The following EML1 variants were observed in gnomAD, a reference collection of about 807,000 sequenced individuals.
EML1 encodes the protein EMAP like 1.
EML1 carries 27 observed loss-of-function variants against 110.4 expected under a neutral mutation model. That is an observed-to-expected ratio of 0.24 (90% CI 0.18 to 0.34). EML1 has a LOEUF of 0.34. EML1 is among the 10% of genes least tolerant of loss of function. The pLI, the probability that EML1 is intolerant of heterozygous loss-of-function variation, is 1.00. For missense variants in EML1, 741 were observed against 1,030.9 expected (o/e 0.72, Z 3.85); for synonymous variants, 344 against 385.8 (o/e 0.89, Z 1.27).
At chr14:99,915,946 G>A (rs1400555477) in intron 15 of EML1, among the ~76,000 whole-genome samples, 2 of 152,198 alleles carry the variant, frequency 1.3e-5, no homozygotes, top group South Asian at 2.1e-4. Flanking sequence ...GCTGGTCACT[G>A]GTGGCCAGCT....
At chr14:99,900,676 T>G (rs939983202) in intron 8 of EML1, among the ~76,000 whole-genome samples, 2 of 152,220 alleles carry the variant, frequency 1.3e-5, no homozygotes, top group Admixed American at 1.3e-4. Flanking sequence ...GGTACTATTG[T>G]CAAAAATTGG....
chr14:99,739,065 A>AGTGTGTGTGAGAGTGT (rs2057004847), intron 1 of EML1, among the ~76,000 whole-genome samples: 1 of 138,918 alleles, frequency 7.2e-6, no homozygotes, highest in Non-Finnish European at 1.5e-5. Flanking sequence ...AGAGTGTGAG[A>AGTGTGTGTGAGAGTGT]GTGTGTGTGT....
intron 16 of EML1, 74 bp downstream of exon 16, chr14:99,917,923 A>C: frequency 1.4e-6 from 2 of 1,475,704 alleles, no homozygotes; most frequent in Non-Finnish European, 1.9e-6. Flanking sequence ...TTTCCCCAGG[A>C]ACAGGCCCCC....
intron 16 of EML1, among the ~76,000 whole-genome samples, chr14:99,918,079 T>C (rs567599535): frequency 2.0e-5 from 3 of 152,262 alleles, no homozygotes; most frequent in Admixed American, 1.3e-4. Flanking sequence ...AAAAGGACCC[T>C]CTACCTCCAC....
At chr14:99,818,778 C>T (rs913621755) in intron 1 of EML1, among the ~76,000 whole-genome samples, 1 of 151,966 alleles carries the variant, frequency 6.6e-6, no homozygotes, top group Non-Finnish European at 1.5e-5. Context: ...TCACAGGGCT[C>T]AAGTCAGGAG....
At chr14:99,915,322 G>A (rs2060015302) in intron 15 of EML1, 1 of 147,458 alleles carries the variant, frequency 6.8e-6, no homozygotes, top group Non-Finnish European at 1.5e-5. Flanking sequence ...TGAGGCAGGA[G>A]AATTGCTTGA....
chr14:99,938,593 C>T (rs888950655), intron 20 of EML1, among the ~76,000 whole-genome samples: 1 of 151,908 alleles, frequency 6.6e-6, no homozygotes, highest in African/African-American at 2.4e-5. Flanking sequence ...CACCTGGGCT[C>T]ACCCGACAAT....
intron 5 of EML1, 170 bp from the exon 6 acceptor site, chr14:99,894,459 T>C (rs2059639128): frequency 7.4e-6 from 6 of 806,838 alleles, no homozygotes; most frequent in Admixed American, 4.2e-5. Flanking sequence ...ATGCAAACTT[T>C]TGTTTCAAAC....
At chr14:99,753,205 C>T (rs2057199242) in intron 1 of EML1, among the ~76,000 whole-genome samples, 1 of 121,470 alleles carries the variant, frequency 8.2e-6, no homozygotes. Context: ...CGCCCCCCCG[C>T]CGCCCCCCCA....
At position 99,939,246 on chromosome 14, in the gene EML1, G is replaced by A. The variant is rs61986043; in HGVS notation, c.2241G>A (p.Arg747=). 3 of 1,614,168 alleles carry A rather than the reference G, an allele frequency of 1.9e-6. No homozygotes were observed. Among genetic ancestry groups the A allele is most frequent in the African/African-American group, 2.7e-5 (2 of 75,034 alleles). Reference sequence around the variant, plus strand: ...GAACCGACATCAATGCCGTCTGTCGGGCCCATGAGAAGAAACTCCTGTCAA... The same window carrying A: ...GAACCGACATCAATGCCGTCTGTCGAGCCCATGAGAAGAAACTCCTGTCAA... ...SDGTDINAVC[R]AHEKKLLSTG... is the part of the protein sequence containing the mutation. The change falls in exon 21 of 22, where the codon CGG becomes CGA. Residue 747 remains arginine, a synonymous_variant. Coordinates refer to ENST00000262233, the MANE Select transcript of EML1 (RefSeq NM_004434.3). The surrounding 1 kb of genome is among the most constrained non-coding windows in gnomAD (Gnocchi z 4.2).
chr14:99,750,447 C>G (rs1206442556), intron 1 of EML1, among the ~76,000 whole-genome samples: 1 of 152,190 alleles, frequency 6.6e-6, no homozygotes, highest in African/African-American at 2.4e-5. Flanking sequence ...GGGAGCATGA[C>G]TGAGGAATCA....
At chr14:99,927,220 G>A (rs2060250879) in intron 17 of EML1, among the ~76,000 whole-genome samples, 1 of 152,162 alleles carries the variant, frequency 6.6e-6, no homozygotes, top group Admixed American at 6.5e-5. Flanking sequence ...ATGGTAATTG[G>A]TTGATATGAC....
At chr14:99,748,264 T>TG (rs2057135781) in intron 1 of EML1, among the ~76,000 whole-genome samples, 1 of 152,112 alleles carries the variant, frequency 6.6e-6, no homozygotes, top group Non-Finnish European at 1.5e-5. Flanking sequence ...TCAGAGCATG[T>TG]GGGGTCCTGG....
intron 2 of EML1, among the ~76,000 whole-genome samples, chr14:99,853,995 A>G (rs2058858057): frequency 1.3e-5 from 2 of 152,148 alleles, no homozygotes; most frequent in Admixed American, 6.5e-5. Context: ...TAAATATCAA[A>G]TGATTTTTTC....
chr14:99,778,446 G>A (rs189208525), intron 1 of EML1, among the ~76,000 whole-genome samples: 196 of 152,112 alleles, frequency 1.3e-3, no homozygotes, highest in African/African-American at 4.5e-3. Context: ...TCTAATTTCA[G>A]CTTCTTGGTG....
chr14:99,834,445 G>C (rs535314482), intron 1 of EML1, among the ~76,000 whole-genome samples: 2 of 152,022 alleles, frequency 1.3e-5, no homozygotes, highest in African/African-American at 4.8e-5. Flanking sequence ...GGGACTACAG[G>C]TGCACGCCAC....
intron 1 of EML1, among the ~76,000 whole-genome samples, chr14:99,800,433 G>C (rs1029052146): frequency 6.6e-6 from 1 of 151,960 alleles, no homozygotes. Context: ...GTGTGATCAT[G>C]GCTCACTGAC....
chr14:99,926,605 C>G (rs1310516351), intron 17 of EML1, among the ~76,000 whole-genome samples: 1 of 151,058 alleles, frequency 6.6e-6, no homozygotes, highest in Non-Finnish European at 1.5e-5. Flanking sequence ...TTTTTAATGA[C>G]TGTTTTTTAT....
chr14:99,927,617 T>C (rs1016741268), intron 17 of EML1, among the ~76,000 whole-genome samples: 5 of 152,074 alleles, frequency 3.3e-5, no homozygotes, highest in African/African-American at 4.8e-5. Context: ...AGAAAAACTT[T>C]CCTTCATCTA....
Sources: gnomAD v4.1 joint callset for allele counts (sites outside exome capture counted in the v4.1 genomes callset) on GRCh38, gnomAD v4.1.1 for gene constraint, Gnocchi (gnomAD v3.1) non-coding constraint, MANE v1.5 for transcripts, NCBI Gene and HGNC (gene_info 2026-07-23, HGNC 2026-07-21) for gene names.